The following KCNK9 variants were observed in gnomAD, a reference collection of about 807,000 sequenced individuals.
KCNK9 encodes potassium two pore domain channel subfamily K member 9.
KCNK9 carries 1 observed loss-of-function variant against 10.8 expected under a neutral mutation model. The observed-to-expected ratio is 0.09, with a 90% confidence interval of 0.03 to 0.44. The LOEUF (loss-of-function observed/expected upper bound fraction) is 0.44. Ranked by LOEUF, KCNK9 falls within the 20% of genes least tolerant of loss-of-function variation. The pLI, the probability that KCNK9 is intolerant of heterozygous loss-of-function variation, is 0.97. For synonymous variants in KCNK9, 231 were observed against 222.7 expected (o/e 1.04, Z -0.33); for missense variants, 303 against 515.0 (o/e 0.59, Z 3.98).
chr8:139,681,299 G>A (rs1252614203), intron 1 of KCNK9, among the ~76,000 whole-genome samples: 6 of 152,078 alleles, frequency 3.9e-5, no homozygotes, highest in African/African-American at 9.7e-5. Flanking sequence ...CTCCTCTCCC[G>A]AGCACACCGC....
chr8:139,643,473 G>A (rs1280206061), intron 1 of KCNK9, among the ~76,000 whole-genome samples: 4 of 152,236 alleles, frequency 2.6e-5, no homozygotes, highest in Admixed American at 1.3e-4. Flanking sequence ...GGGCTGCAGG[G>A]ACTGAGGGAC....
intron 1 of KCNK9, among the ~76,000 whole-genome samples, chr8:139,669,252 A>C (rs533912580): frequency 1.3e-5 from 2 of 152,328 alleles, no homozygotes; most frequent in African/African-American, 4.8e-5. Context: ...TGGCTGTTGC[A>C]GTTTCTTAAA....
intron 1 of KCNK9, among the ~76,000 whole-genome samples, chr8:139,652,589 C>T (rs547178090): frequency 7.2e-5 from 11 of 152,288 alleles, no homozygotes; most frequent in Admixed American, 5.2e-4. Flanking sequence ...TGGCGCTCCT[C>T]TAAGGGCCGG....
intron 1 of KCNK9, among the ~76,000 whole-genome samples, chr8:139,659,133 A>G (rs1439708618): frequency 1.3e-5 from 2 of 152,240 alleles, no homozygotes; most frequent in East Asian, 1.9e-4. Context: ...AAATGAATTC[A>G]TAGGCAAGAA....
chr8:139,685,435 C>T (rs938249234), intron 1 of KCNK9, among the ~76,000 whole-genome samples: 4 of 152,136 alleles, frequency 2.6e-5, no homozygotes, highest in Non-Finnish European at 5.9e-5. Context: ...CTCCCACAGC[C>T]CCCAATGCCT....
chr8:139,677,669 TC>T, intron 1 of KCNK9, among the ~76,000 whole-genome samples: 2 of 152,038 alleles, frequency 1.3e-5, no homozygotes, highest in African/African-American at 4.8e-5. Context: ...GAGTAATACC[TC>T]GAGTCCCAGC....
downstream of KCNK9, among the ~76,000 whole-genome samples, chr8:139,611,104 T>C (rs1814409481): frequency 6.6e-6 from 1 of 152,248 alleles, no homozygotes. Flanking sequence ...ATAGTTTGAT[T>C]TCAAGTCCAA....
intron 1 of KCNK9, among the ~76,000 whole-genome samples, chr8:139,662,125 C>T (rs537815162): frequency 7.9e-5 from 12 of 152,340 alleles, no homozygotes; most frequent in African/African-American, 2.9e-4. Flanking sequence ...TCCCCCACCA[C>T]TTGGGGAGGA....
At chr8:139,633,791 A>G (rs1239636863) in intron 1 of KCNK9, among the ~76,000 whole-genome samples, 1 of 152,180 alleles carries the variant, frequency 6.6e-6, no homozygotes, top group Non-Finnish European at 1.5e-5. Context: ...TAGACAACCA[A>G]CACCACACAG....
chr8:139,603,152 C>T (rs989712143), intron 2 of KCNK9, among the ~76,000 whole-genome samples: 5 of 152,148 alleles, frequency 3.3e-5, no homozygotes, highest in Admixed American at 1.3e-4. Flanking sequence ...TTTAAGTGAC[C>T]ATTATTTCCA....
intron 1 of KCNK9, among the ~76,000 whole-genome samples, chr8:139,696,057 A>G (rs1206311772): frequency 1.3e-5 from 2 of 152,140 alleles, no homozygotes; most frequent in Non-Finnish European, 2.9e-5. Flanking sequence ...TCCTCAGGTG[A>G]CTACTATAGA....
intron 1 of KCNK9, among the ~76,000 whole-genome samples, chr8:139,687,672 A>ATAC (rs1357127743): frequency 9.9e-6 from 1 of 100,952 alleles, no homozygotes; most frequent in African/African-American, 3.6e-5. Context: ...ATACATATGT[A>ATAC]TACATATATA....
rs1814653262 is a variant in KCNK9, at chr8:139,618,011, G to C, written c.*247C>G. On this transcript the variant is annotated 3_prime_UTR_variant, in exon 2 of 2. Transcript: ENST00000520439. The surrounding 1 kb of genome is among the most constrained non-coding windows in gnomAD (Gnocchi z 7.9). Reference sequence around the variant, plus strand: ...GGCATAGTCTGCTGGGAAGGAAGGAGGAGATCCATGCTTCATGCTCAGATG... The same window carrying C: ...GGCATAGTCTGCTGGGAAGGAAGGACGAGATCCATGCTTCATGCTCAGATG... 1.9e-6 allele frequency: 1 copy of C among 522,768 alleles called. No individual in the cohort carries two copies. Among genetic ancestry groups the C allele is most frequent in the African/African-American group, 1.9e-5 (1 of 52,266 alleles). The allele number at this position is 522,768 out of a possible 1,614,324, so 32.4% of individuals were successfully genotyped here. A position where few individuals can be genotyped will look rare whatever the true frequency, so the allele number is the denominator to read the frequency against.
chr8:139,624,603 T>C (rs1435956739), intron 1 of KCNK9, among the ~76,000 whole-genome samples: 1 of 151,980 alleles, frequency 6.6e-6, no homozygotes, highest in Non-Finnish European at 1.5e-5. Context: ...ATGTGAGTGG[T>C]GAAGGAGATC....
chr8:139,668,838 G>A (rs1816361698), intron 1 of KCNK9, among the ~76,000 whole-genome samples: 1 of 152,160 alleles, frequency 6.6e-6, no homozygotes, highest in African/African-American at 2.4e-5. Context: ...CTGAGGAAGG[G>A]CTGCACATGT....
At chr8:139,606,624 T>C (rs1013204874) in intron 2 of KCNK9, among the ~76,000 whole-genome samples, 1 of 152,228 alleles carries the variant, frequency 6.6e-6, no homozygotes, top group African/African-American at 2.4e-5. Flanking sequence ...GGATACACAG[T>C]TGGCTGAAGT....
intron 1 of KCNK9, among the ~76,000 whole-genome samples, chr8:139,661,561 C>A (rs1816151701): frequency 6.6e-6 from 1 of 152,208 alleles, no homozygotes; most frequent in Non-Finnish European, 1.5e-5. Flanking sequence ...GCCTCAGCTT[C>A]CCAGTGATAA....
chr8:139,653,313 T>C lies in KCNK9; in HGVS notation c.284-34214A>G, dbSNP rs554321636. On this transcript the variant is annotated intron_variant, in intron 1 of 1. Coordinates refer to ENST00000520439, the MANE Select transcript of KCNK9 (RefSeq NM_001282534.2). Reference sequence around the variant, plus strand: ...TATTTACACACACTTGGCTTTATCATAACATAATCAAAACAGTACCTAAAA... The same window carrying C: ...TATTTACACACACTTGGCTTTATCACAACATAATCAAAACAGTACCTAAAA... Among the ~76,000 whole-genome samples the C allele has an allele frequency of 3.3e-5, 5 of 152,258 alleles. No homozygotes were observed. In the South Asian group the frequency reaches 1.0e-3, roughly 32 times the overall value.
At chr8:139,620,292 A>G (rs2447347) in intron 1 of KCNK9, among the ~76,000 whole-genome samples, 13,278 of 152,296 alleles carry the variant, frequency 0.087, 871 homozygotes, top group East Asian at 0.31. Context: ...AATCCTGCCC[A>G]TCAAGATAGA....
Sources: allele counts gnomAD v4.1 joint callset (sites outside exome capture counted in the v4.1 genomes callset), GRCh38; gene constraint gnomAD v4.1.1; non-coding constraint Gnocchi (gnomAD v3.1); transcripts MANE v1.5; gene names NCBI Gene and HGNC (gene_info 2026-07-23, HGNC 2026-07-21).